HDAC1: variants seen among roughly 807,000 people sequenced by gnomAD.
HDAC1 encodes protein deacetylase HDAC1.
In HDAC1, 18 loss-of-function variants were observed where a neutral mutation model predicts 65.5. The observed-to-expected ratio is 0.27, with a 90% CI of 0.19 to 0.41. HDAC1 has a LOEUF of 0.41. Ranked by LOEUF, HDAC1 falls within the 10% of genes least tolerant of loss-of-function variation. The pLI, the probability that HDAC1 is intolerant of heterozygous loss-of-function variation, is 1.00. For missense variants in HDAC1, 373 were observed against 625.2 expected, an observed-to-expected ratio of 0.60 and a Z score of 4.30; for synonymous variants, 211 against 227.9, an observed-to-expected ratio of 0.93 and a Z score of 0.67.
chr1:32,324,506 T>A lies in HDAC1; in HGVS notation c.308T>A (p.Phe103Tyr), dbSNP rs761547954. 7 of 1,613,460 alleles carry A rather than the reference T, an allele frequency of 4.3e-6. No homozygotes were observed. Among genetic ancestry groups the A allele is most frequent in the Non-Finnish European group, 5.9e-6 (7 of 1,179,332 alleles). ...RFNVGEDCPV[F>Y]DGLFEFCQLS... ...AACGTTGGTGAGGACTGTCCAGTAT[T>A]CGATGGCCTGTTTGAGTTCTGTCAG... The change falls in exon 4 of 14, where the codon TTC becomes TAC. Residue 103 changes from phenylalanine to tyrosine, a missense_variant. Phe to Tyr is a conservative substitution (Grantham distance 22, BLOSUM62 3). Coordinates refer to ENST00000373548, the MANE Select transcript of HDAC1 (RefSeq NM_004964.3).
At chr1:32,317,957 C>T (rs551328344) in intron 3 of HDAC1, among the ~76,000 whole-genome samples, 9 of 152,150 alleles carry the variant, frequency 5.9e-5, no homozygotes, top group Admixed American at 3.9e-4. Flanking sequence ...TGTTATTTCC[C>T]GCCCCTGCCA....
At chr1:32,292,256 G>A (rs1158568881) in intron 1 of HDAC1, 38 bp downstream of exon 1, 3 of 1,546,176 alleles carry the variant, frequency 1.9e-6, no homozygotes, top group African/African-American at 2.7e-5. Flanking sequence ...GGGCCAGGCC[G>A]GGCCGGACCG....
In HDAC1 at chr1:32,330,913, T is replaced by G. The variant is rs370274596; in HGVS notation, c.979+5T>G. On this transcript the variant is annotated splice_donor_5th_base_variant and intron_variant, in intron 9 of 13. Transcript: ENST00000373548. The surrounding 1 kb of genome is among the most constrained non-coding windows in gnomAD (Gnocchi z 4.2). The stretch of plus-strand genomic sequence containing the variant: ...TGGATACGGAGATCCCTAATGGTAA[T>G]AGCTGCAGGGCCAGGTTCGGCTGGG... The G allele has an allele frequency of 5.1e-5, 83 of 1,613,914 alleles. No homozygotes were observed. Among genetic ancestry groups the G allele is most frequent in the Admixed American group, 1.2e-4 (7 of 59,998 alleles).
chr1:32,314,932 A>G (rs988531511), intron 2 of HDAC1, among the ~76,000 whole-genome samples: 2 of 152,126 alleles, frequency 1.3e-5, no homozygotes, highest in African/African-American at 2.4e-5. Flanking sequence ...TGACAGAAAT[A>G]TGCTGTAGGA....
At chr1:32,325,638 C>A (rs1641206852) in intron 4 of HDAC1, among the ~76,000 whole-genome samples, 1 of 152,216 alleles carries the variant, frequency 6.6e-6, no homozygotes, top group Admixed American at 6.5e-5. Context: ...TCTTGTGGCT[C>A]TATGATTATT....
Position 32,304,897 on chromosome 1 carries a change from A to C in HDAC1, c.162+2164A>C, listed in dbSNP as rs185788380. Among the ~76,000 whole-genome samples the C allele has an allele frequency of 3.7e-3, 566 of 152,234 alleles. 1 individual carries two copies. Among genetic ancestry groups the C allele is most frequent in the African/African-American group, 0.013 (530 of 41,532 alleles). Reference sequence around the variant, plus strand: ...CTAATTCAGAAAAATTTTTTTGTAGAAACAGGGTCTTGCTGTTTTGTCCAG... The same window carrying C: ...CTAATTCAGAAAAATTTTTTTGTAGCAACAGGGTCTTGCTGTTTTGTCCAG... On this transcript the variant is annotated intron_variant, in intron 2 of 13. Transcript: ENST00000373548.
At position 32,331,226 on chromosome 1, in the gene HDAC1, A is replaced by G. The variant is rs1418041481; in HGVS notation, c.980-248A>G. 2.0e-5 allele frequency among the ~76,000 whole-genome samples: 3 copies of G among 152,190 alleles called. No homozygotes were observed. Among genetic ancestry groups the G allele is most frequent in the African/African-American group, 7.2e-5 (3 of 41,432 alleles). ...AGCGCTCATAATGAGCATGGCCTCA[A>G]GTGTCCTAAACCAGGGACATGGGCC... On this transcript the variant is annotated intron_variant, in intron 9 of 13. Transcript: ENST00000373548. This position sits in a 1 kb window ranked among gnomAD's most constrained non-coding sequence, Gnocchi z 4.2.
chr1:32,304,912 G>C (rs1303971586), intron 2 of HDAC1, among the ~76,000 whole-genome samples: 1 of 151,986 alleles, frequency 6.6e-6, no homozygotes, highest in Non-Finnish European at 1.5e-5. Flanking sequence ...GGGTCTTGCT[G>C]TTTTGTCCAG....
chr1:32,307,152 G>A (rs1480298652), intron 2 of HDAC1, among the ~76,000 whole-genome samples: 1 of 152,176 alleles, frequency 6.6e-6, no homozygotes, highest in East Asian at 1.9e-4. Flanking sequence ...GGCTGAGACA[G>A]GAGAATCATT....
At chr1:32,294,038 G>A (rs1051187426) in intron 1 of HDAC1, among the ~76,000 whole-genome samples, 9 of 150,310 alleles carry the variant, frequency 6.0e-5, no homozygotes, top group African/African-American at 1.7e-4. Context: ...ACTGCACTCC[G>A]TCCTGGGCAA....
At chr1:32,296,686 C>G (rs1229395094) in intron 1 of HDAC1, among the ~76,000 whole-genome samples, 1 of 152,118 alleles carries the variant, frequency 6.6e-6, no homozygotes, top group Non-Finnish European at 1.5e-5. Flanking sequence ...GCTGGTTGAA[C>G]CCTTTTAAAG....
chr1:32,312,671 TTTTG>T (rs1219515484), intron 2 of HDAC1, among the ~76,000 whole-genome samples: 1 of 146,416 alleles, frequency 6.8e-6, no homozygotes, highest in Non-Finnish European at 1.5e-5. Context: ...ATGAACTTTT[TTTTG>T]TTTGTTTGCT....
chr1:32,331,839 A>C lies in HDAC1; in HGVS notation c.1219+33A>C. ...CCAGACCTAGAGCCCTATGCCTTCCATTCAATAGGCAGCTCACACTTCCAC... is the reference window on the plus strand; with the variant it reads ...CCAGACCTAGAGCCCTATGCCTTCCCTTCAATAGGCAGCTCACACTTCCAC... On this transcript the variant is annotated intron_variant, in intron 11 of 13. Transcript: ENST00000373548. The surrounding 1 kb of genome is among the most constrained non-coding windows in gnomAD (Gnocchi z 4.2). 1 of 1,573,516 alleles carries C rather than the reference A, an allele frequency of 6.4e-7. No homozygotes were observed. The highest frequency in any genetic ancestry group is 8.6e-7 in the Non-Finnish European group (1 of 1,157,936).
intron 1 of HDAC1, among the ~76,000 whole-genome samples, chr1:32,300,575 A>G (rs1329759483): frequency 6.6e-6 from 1 of 152,126 alleles, no homozygotes; most frequent in Non-Finnish European, 1.5e-5. Flanking sequence ...AAAAAAAAAA[A>G]GAAAAGAAAA....
In HDAC1 at chr1:32,327,494, C is replaced by T; in HGVS notation, c.495-42C>T. On this transcript the variant is annotated intron_variant, in intron 5 of 13. Coordinates refer to ENST00000373548, the MANE Select transcript of HDAC1 (RefSeq NM_004964.3). This position sits in a 1 kb window ranked among gnomAD's most constrained non-coding sequence, Gnocchi z 6.0. The stretch of plus-strand genomic sequence containing the variant: ...AGCTAGCGCCCTTGGCACGTCCCAT[C>T]CCCAAAGAGCCCCCAGACCCCTGAC... The T allele has an allele frequency of 6.7e-7, 1 of 1,501,352 alleles. No homozygotes were observed. Among genetic ancestry groups the T allele is most frequent in the Non-Finnish European group, 9.3e-7 (1 of 1,080,798 alleles). 93.0% of individuals were successfully genotyped at this position (1,501,352 alleles called of 1,614,324 possible).
intron 1 of HDAC1, among the ~76,000 whole-genome samples, chr1:32,299,637 A>C (rs1640818935): frequency 6.6e-6 from 1 of 152,090 alleles, no homozygotes; most frequent in Admixed American, 6.6e-5. Flanking sequence ...CATCCTAATA[A>C]ATCTCTAAGG....
Position 32,327,486 on chromosome 1 carries a change from C to T in HDAC1, c.495-50C>T, listed in dbSNP as rs760751109. 2.7e-5 allele frequency: 38 copies of T among 1,418,046 alleles called. No homozygotes were observed. Among genetic ancestry groups the T allele is most frequent in the Non-Finnish European group, 3.6e-5 (36 of 1,005,926 alleles). 87.8% of individuals were successfully genotyped at this position (1,418,046 alleles called of 1,614,324 possible). ...AAGCTGGGAGCTAGCGCCCTTGGCACGTCCCATCCCCAAAGAGCCCCCAGA... is the reference window on the plus strand; with the variant it reads ...AAGCTGGGAGCTAGCGCCCTTGGCATGTCCCATCCCCAAAGAGCCCCCAGA... On this transcript the variant is annotated intron_variant, in intron 5 of 13. Transcript: ENST00000373548. This position sits in a 1 kb window ranked among gnomAD's most constrained non-coding sequence, Gnocchi z 6.0.
intron 3 of HDAC1, among the ~76,000 whole-genome samples, chr1:32,320,899 C>CAAAAAAAAAAAAA (rs1160071616): frequency 1.3e-4 from 3 of 23,382 alleles, no homozygotes; most frequent in Non-Finnish European, 3.6e-4. Flanking sequence ...GACTCCATCT[C>CAAAAAAAAAAAAA]AAAAAAAAAA....
Position 32,326,921 on chromosome 1 carries a change from C to T in HDAC1, c.356-18C>T, listed in dbSNP as rs1252115975. 1 of 1,613,378 alleles carries T rather than the reference C, an allele frequency of 6.2e-7. No individual in the cohort carries two copies. Among genetic ancestry groups the T allele is most frequent in the Non-Finnish European group, 8.5e-7 (1 of 1,179,824 alleles). On this transcript the variant is annotated intron_variant, in intron 4 of 13. Coordinates refer to ENST00000373548, the MANE Select transcript of HDAC1 (RefSeq NM_004964.3). ...AGTGGCTTAGTAACAGGCTTATGTT[C>T]TCTTTTCTCATGCCCAGCAAGTGCT...
Sources: gnomAD v4.1 joint callset for allele counts (sites outside exome capture counted in the v4.1 genomes callset) on GRCh38, gnomAD v4.1.1 for gene constraint, Gnocchi (gnomAD v3.1) non-coding constraint, MANE v1.5 for transcripts, NCBI Gene and HGNC (gene_info 2026-07-23, HGNC 2026-07-21) for gene names.